Variants in DOK7 observed in about 807,000 individuals in gnomAD.
DOK7 encodes docking protein 7.
DOK7 carries 32 observed loss-of-function variants against 30.7 expected under a neutral mutation model. The observed-to-expected ratio is 1.04, with a 90% confidence interval of 0.79 to 1.40. The LOEUF (loss-of-function observed/expected upper bound fraction) is 1.40, where lower values mean the gene tolerates loss of function less well. Ranked by LOEUF, DOK7 falls within the 40% of genes most tolerant of loss-of-function variation. The probability of loss-of-function intolerance (pLI) is 0.00; values close to 1 mark genes in which losing one functional copy is unlikely to be tolerated. For missense variants in DOK7, 1,007 were observed against 699.2 expected, an observed-to-expected ratio of 1.44 and a Z score of -4.97; for synonymous variants, 447 against 324.1, an observed-to-expected ratio of 1.38 and a Z score of -4.07.
At chr4:3,465,485 G>T (rs936617036) in intron 2 of DOK7, among the ~76,000 whole-genome samples, 2 of 152,208 alleles carry the variant, frequency 1.3e-5, no homozygotes, top group Non-Finnish European at 2.9e-5. Context: ...GAAGGGTCCC[G>T]TCTGCTTCCT....
intron 2 of DOK7, among the ~76,000 whole-genome samples, chr4:3,469,957 C>G (rs751878109): frequency 1.2e-4 from 18 of 152,280 alleles, no homozygotes; most frequent in Non-Finnish European, 2.1e-4. Flanking sequence ...AAAATGAAAT[C>G]GGTGGTTTGG....
Position 3,493,449 on chromosome 4 carries a change from T to G in DOK7, c.1463T>G (p.Phe488Cys), listed in dbSNP as rs781079636. The change falls in exon 7 of 7, where the codon TTC (phenylalanine) becomes TGC (cysteine). Residue 488 changes from phenylalanine to cysteine, a missense_variant. Phe to Cys is a radical substitution (Grantham distance 205). Coordinates refer to ENST00000340083, the MANE Select transcript of DOK7 (RefSeq NM_173660.5). ...CCCCACGCGGGGCCACCCCCGGCTT[T>G]CTTTTCGGCATGTCCAGTCTGTGGA... ...GGPHAGPPPAFFSACPVCGGL... is the reference protein window; with the variant it reads ...GGPHAGPPPACFSACPVCGGL... The G allele has an allele frequency of 1.2e-6, 2 of 1,609,628 alleles. No homozygotes were observed. Among genetic ancestry groups the G allele is most frequent in the Non-Finnish European group, 1.7e-6 (2 of 1,178,568 alleles).
At chr4:3,468,153 AGT>A (rs1168191867) in intron 2 of DOK7, among the ~76,000 whole-genome samples, 42 of 149,820 alleles carry the variant, frequency 2.8e-4, no homozygotes, top group African/African-American at 9.8e-4. Flanking sequence ...TGTGTATGCA[AGT>A]GTGTGTGTGC....
rs1577134901 is a variant in DOK7 at position 3,463,555 on chromosome 4, A to G, written c.100+4A>G. 1.7e-6 allele frequency: 1 copy of G among 582,296 alleles called. No individual in the cohort carries two copies. The highest frequency in any genetic ancestry group is 3.6e-5 in the African/African-American group (1 of 27,952). 36.1% of individuals were successfully genotyped at this position (582,296 alleles called of 1,614,324 possible). A position where few individuals can be genotyped will look rare whatever the true frequency, so the allele number is the denominator to read the frequency against. The stretch of plus-strand genomic sequence containing the variant: ...CGGAAGCCGTCGCCCGTGGCAGGTG[A>G]GCGGGGCGGGCGGGGGACGGGGGGC... On this transcript the variant is annotated splice_donor_region_variant and intron_variant, in intron 2 of 6. Coordinates refer to ENST00000340083, the MANE Select transcript of DOK7 (RefSeq NM_173660.5).
chr4:3,490,521 AC>A (rs1326379577), intron 6 of DOK7, among the ~76,000 whole-genome samples: 1 of 20,422 alleles, frequency 4.9e-5, no homozygotes, highest in Non-Finnish European at 9.1e-5. Context: ...TCTTTCCTTC[AC>A]CCCCCCGCTC....
In DOK7 at chr4:3,476,365, G is replaced by C. The variant is rs951094929; in HGVS notation, c.355G>C (p.Ala119Pro). 6.2e-7 allele frequency: 1 copy of C among 1,608,580 alleles called. No individual in the cohort carries two copies. The highest frequency in any genetic ancestry group is 8.5e-7 in the Non-Finnish European group (1 of 1,177,950). Reference protein sequence around the residue: ...GEVHRFHVTVAPGTKLESGPA... With the variant: ...GEVHRFHVTVPPGTKLESGPA... The stretch of plus-strand genomic sequence containing the variant: ...AGTGCATAGGTTCCATGTGACAGTG[G>C]CTCCAGGCACCAAGTTGGAGAGCGG... Residue 119 changes from alanine to proline, a missense_variant, in exon 4 of 7, where the codon GCT (alanine) becomes CCT (proline). Ala to Pro is a conservative substitution (Grantham distance 27). Transcript: ENST00000340083.
In DOK7 at chr4:3,494,109, A is replaced by C. The variant is rs1431916721; in HGVS notation, c.*608A>C. The stretch of plus-strand genomic sequence containing the variant: ...TTCTGGGCCCCACTGTTCCCCAGTG[A>C]AGCCCTTGTGGGAAGGTTCCGGGAG... On this transcript the variant is annotated 3_prime_UTR_variant, in exon 7 of 7. Transcript: ENST00000340083. The C allele has an allele frequency of 2.1e-5, 21 of 985,786 alleles. No homozygotes were observed. The highest frequency in any genetic ancestry group is 2.4e-5 in the Non-Finnish European group (20 of 830,312). 61.1% of individuals were successfully genotyped at this position (985,786 alleles called of 1,614,324 possible).
chr4:3,467,128 T>A (rs1372888307), intron 2 of DOK7, among the ~76,000 whole-genome samples: 1 of 151,914 alleles, frequency 6.6e-6, no homozygotes, highest in Admixed American at 6.5e-5. Context: ...CACTGTGACC[T>A]CCAAAGGCTG....
At chr4:3,500,784 C>G in exon 8 of DOK7, 1 of 1,534,238 alleles carries the variant, frequency 6.5e-7, no homozygotes, top group Non-Finnish European at 8.7e-7. Context: ...CCGGGAGGAG[C>G]AGCTGTCGGA....
At chr4:3,491,184 C>CT (rs1349061339) in intron 6 of DOK7, among the ~76,000 whole-genome samples, 39 of 78,002 alleles carry the variant, frequency 5.0e-4, no homozygotes, top group African/African-American at 2.3e-3. Flanking sequence ...TTCATTCCTT[C>CT]CCCCCTGCTC....
chr4:3,490,082 A>ATTCATTCCTTTCTTCC (rs1728121306), intron 6 of DOK7, among the ~76,000 whole-genome samples: 1 of 67,008 alleles, frequency 1.5e-5, no homozygotes, highest in African/African-American at 5.7e-5. Context: ...TCCTTTCTTC[A>ATTCATTCCTTTCTTCC]CCCCCTCATT....
intron 4 of DOK7, among the ~76,000 whole-genome samples, chr4:3,482,778 T>C (rs1276683443): frequency 6.6e-6 from 1 of 152,188 alleles, no homozygotes; most frequent in Non-Finnish European, 1.5e-5. Context: ...CTCTCACCTA[T>C]GTCTTTCCAC....
intron 4 of DOK7, 80 bp from the exon 5 acceptor site, chr4:3,485,459 C>T (rs1439046834): frequency 9.3e-6 from 13 of 1,398,544 alleles, no homozygotes; most frequent in South Asian, 1.8e-5. Context: ...GAGTTTGCTG[C>T]GGTTTCCTGT....
rs1264638532 is a variant in DOK7 at position 3,493,138 on chromosome 4, C to T, written c.1152C>T (p.Ser384=). The T allele has an allele frequency of 6.2e-7, 1 of 1,600,316 alleles. No individual in the cohort carries two copies. ...CAGCAGCGGGGGCCCCCGAGCCCAG[C>T]CTGTGCACCTGCCTGCCCGGGACAG... The part of the protein sequence containing the change: ...SLPAAGAPEP[S]LCTCLPGTVE... The change falls in exon 7 of 7, where the codon AGC becomes AGT. Residue 384 remains serine, a synonymous_variant. Coordinates refer to ENST00000340083, the MANE Select transcript of DOK7 (RefSeq NM_173660.5).
intron 2 of DOK7, among the ~76,000 whole-genome samples, chr4:3,466,624 T>C (rs1726282137): frequency 6.6e-6 from 1 of 152,162 alleles, no homozygotes; most frequent in Non-Finnish European, 1.5e-5. Context: ...CGACCTTCCC[T>C]CAGCCCCCGC....
chr4:3,464,830 G>T (rs1202174262), intron 2 of DOK7, among the ~76,000 whole-genome samples: 1 of 152,216 alleles, frequency 6.6e-6, no homozygotes, highest in East Asian at 1.9e-4. Context: ...CCTCAAGAGG[G>T]TGTGCTCCCC....
In DOK7 at chr4:3,493,523, G is replaced by A. The variant is rs527308426; in HGVS notation, c.*22G>A. 85 of 1,607,264 alleles carry A rather than the reference G, an allele frequency of 5.3e-5. No individual in the cohort carries two copies. In the East Asian group the frequency reaches 6.5e-4, roughly 12 times the overall value. On this transcript the variant is annotated 3_prime_UTR_variant, in exon 7 of 7. Coordinates refer to ENST00000340083, the MANE Select transcript of DOK7 (RefSeq NM_173660.5). The stretch of plus-strand genomic sequence containing the variant: ...TTGAGAGCCGCAGATCCCGCCCCGC[G>A]GCTGCAAAGGGGCTGAATTTGCCCC...
At chr4:3,495,957 T>C (rs73793950), downstream of DOK7, among the ~76,000 whole-genome samples, 2,984 of 152,338 alleles carry the variant, frequency 0.02, 101 homozygotes, top group African/African-American at 0.069. Flanking sequence ...CCCTTGAGTC[T>C]GGCCTGCACC....
At position 3,473,625 on chromosome 4, in the gene DOK7, C is replaced by A. The variant is rs375503613; in HGVS notation, c.320C>A (p.Ala107Glu). Residue 107 changes from alanine to glutamate, a missense_variant, in exon 3 of 7, where the codon GCG (alanine) becomes GAG (glutamate). Transcript: ENST00000340083. ...MCAWDARIRYALGEVHRFHVT... is the reference protein window; with the variant it reads ...MCAWDARIRYELGEVHRFHVT... ...GCGTGGGATGCCCGGATCCGCTATG[C>A]GCTCGGCGAGGGTGAGTGACGGGGG... 6.4e-7 allele frequency: 1 copy of A among 1,574,332 alleles called. No homozygotes were observed. The highest frequency in any genetic ancestry group is 8.6e-7 in the Non-Finnish European group (1 of 1,156,936).
Sources: allele counts gnomAD v4.1 joint callset (sites outside exome capture counted in the v4.1 genomes callset), GRCh38; gene constraint gnomAD v4.1.1; transcripts MANE v1.5; gene names NCBI Gene and HGNC (gene_info 2026-07-23, HGNC 2026-07-21).